Variants in RNF41 observed in about 807,000 individuals in gnomAD.
RNF41 encodes ring finger protein 41.
Under a neutral mutation model 33.0 loss-of-function variants are expected in RNF41, and 4 were observed. That is an observed-to-expected ratio of 0.12 (90% CI 0.06 to 0.28). The LOEUF is 0.28. RNF41 is among the 10% of genes least tolerant of loss of function. The pLI is 1.00. For synonymous variants in RNF41, 164 were observed against 153.2 expected, an observed-to-expected ratio of 1.07 and a Z score of -0.52; for missense variants, 228 against 432.6, an observed-to-expected ratio of 0.53 and a Z score of 4.19.
intron 4 of RNF41, 24 bp downstream of exon 4, chr12:56,210,273 G>A: frequency 1.2e-6 from 2 of 1,603,630 alleles, no homozygotes; most frequent in Non-Finnish European, 8.5e-7. Context: ...TTATCCATGT[G>A]GGGCAGAAGG....
Position 56,206,526 on chromosome 12 carries a change from T to C in RNF41, c.875A>G (p.Glu292Gly). ...CATGTCATCCCCCATGTGCTGGTTC[T>C]CACAGGCCATCACGACAACAGCCTG... ...GKQAVVVMAC[E>G]NQHMGDDMVQ... The change falls in exon 7 of 7, where the codon GAG (glutamate) becomes GGG (glycine). Residue 292 changes from glutamate (E) to glycine (G), a missense_variant. By Grantham distance (98) the Glu-to-Gly change is moderately conservative. This residue lies in a region of RNF41 where 199 missense variants were observed against 334.6 expected (regional missense o/e 0.59). Transcript: ENST00000345093. This position sits in a 1 kb window ranked among gnomAD's most constrained non-coding sequence, Gnocchi z 5.7. The C allele has an allele frequency of 6.2e-7, 1 of 1,614,224 alleles. No homozygotes were observed. The highest frequency in any genetic ancestry group is 8.5e-7 in the Non-Finnish European group (1 of 1,180,036).
At chr12:56,208,543 T>C (rs572754080) in intron 4 of RNF41, 1 of 325,770 alleles carries the variant, frequency 3.1e-6, no homozygotes, top group East Asian at 5.3e-5. Flanking sequence ...TTATCTATTT[T>C]TTAAATTTAT....
At chr12:56,212,015 G>A (rs1014052809) in intron 3 of RNF41, among the ~76,000 whole-genome samples, 2 of 152,118 alleles carry the variant, frequency 1.3e-5, no homozygotes, top group African/African-American at 4.8e-5. Context: ...CGGGCATGGT[G>A]GCTCATGCCT....
chr12:56,208,125 T>C (rs966771861), intron 5 of RNF41, 38 bp downstream of exon 5: 15 of 1,613,572 alleles, frequency 9.3e-6, no homozygotes, highest in Non-Finnish European at 1.3e-5. Flanking sequence ...GTTATCTGCA[T>C]ATGAGGGATA....
At position 56,204,365 on chromosome 12, in the gene RNF41, C is replaced by G. The variant is rs574186001; in HGVS notation, c.*2082G>C. 6.6e-6 allele frequency: 1 copy of G among 152,072 alleles called. No homozygotes were observed. The highest frequency in any genetic ancestry group is 2.4e-5 in the African/African-American group (1 of 41,388). 9.4% of individuals were successfully genotyped at this position (152,072 alleles called of 1,614,324 possible). On this transcript the variant is annotated 3_prime_UTR_variant, in exon 7 of 7. Coordinates refer to ENST00000345093, the MANE Select transcript of RNF41 (RefSeq NM_005785.4). ...AAGCAGCTGTGAAGTGCACACTACTCCCAGACATCCTCCTGAAAGAGAAGT... is the reference window on the plus strand; with the variant it reads ...AAGCAGCTGTGAAGTGCACACTACTGCCAGACATCCTCCTGAAAGAGAAGT...
In RNF41 at chr12:56,207,666, A is replaced by G. The variant is rs1232893953; in HGVS notation, c.582T>C (p.Ile194=). The part of the protein sequence containing the change: ...NPNLQNLEET[I]EYNEILEWVN... ...CTCACTCTAGGATCTCGTTGTATTC[A>G]ATTGTCTCCTCCAGGTTCTGAAGGT... The change falls in exon 6 of 7, where the codon ATT becomes ATC. Residue 194 remains isoleucine, a synonymous_variant. Coordinates refer to ENST00000345093, the MANE Select transcript of RNF41 (RefSeq NM_005785.4). 1.2e-5 allele frequency: 19 copies of G among 1,613,628 alleles called. No individual in the cohort carries two copies. The highest frequency in any genetic ancestry group is 1.6e-5 in the Non-Finnish European group (19 of 1,179,556).
At chr12:56,207,987 A>G (rs1020696444) in intron 5 of RNF41, among the ~76,000 whole-genome samples, 176 bp downstream of exon 5, 10 of 152,246 alleles carry the variant, frequency 6.6e-5, no homozygotes, top group Non-Finnish European at 1.3e-4. Flanking sequence ...TGGGATGAAG[A>G]AAAGTCAAGG....
At chr12:56,217,456 G>A (rs2135814708) in intron 1 of RNF41, among the ~76,000 whole-genome samples, 1 of 152,008 alleles carries the variant, frequency 6.6e-6, no homozygotes, top group Middle Eastern at 3.4e-3. Flanking sequence ...CTGAGGCAGG[G>A]AGAATTGCTT....
chr12:56,203,588 G>C lies in RNF41; in HGVS notation c.*2859C>G, dbSNP rs1307655889. ...TATTTATATTTTTAGTAGAGACAGG[G>C]TTTCACCATGTTAGCCAGGATGGTC... On this transcript the variant is annotated 3_prime_UTR_variant, in exon 7 of 7. Coordinates refer to ENST00000345093, the MANE Select transcript of RNF41 (RefSeq NM_005785.4). The C allele has an allele frequency of 1.3e-5, 2 of 151,330 alleles. No homozygotes were observed. The highest frequency in any genetic ancestry group is 3.9e-4 in the East Asian group (2 of 5,172). 9.4% of individuals were successfully genotyped at this position (151,330 alleles called of 1,614,324 possible).
At chr12:56,221,160 TC>T (rs1366067908) in intron 1 of RNF41, among the ~76,000 whole-genome samples, 1 of 151,932 alleles carries the variant, frequency 6.6e-6, no homozygotes, top group East Asian at 1.9e-4. Flanking sequence ...CTACCCAATT[TC>T]CCAAAGTCCT....
intron 5 of RNF41, 131 bp from the exon 6 acceptor site, chr12:56,207,880 A>G (rs1868303773): frequency 2.5e-6 from 2 of 805,752 alleles, no homozygotes; most frequent in Middle Eastern, 2.4e-4. Flanking sequence ...GAAGACAGGG[A>G]TAAGACTGTC....
In RNF41 at chr12:56,206,436, GTCGAGTTC is replaced by G; in HGVS notation, c.*3_*10del. 6.3e-7 allele frequency: 1 copy of G among 1,592,008 alleles called. No individual in the cohort carries two copies. Among genetic ancestry groups the G allele is most frequent in the African/African-American group, 1.3e-5 (1 of 74,518 alleles). On this transcript the variant is annotated 3_prime_UTR_variant, in exon 7 of 7. Coordinates refer to ENST00000345093, the MANE Select transcript of RNF41 (RefSeq NM_005785.4). The surrounding 1 kb of genome is among the most constrained non-coding windows in gnomAD (Gnocchi z 5.7). ...GATTTCCATCTCTTCCTGATAGCCA[GTCGAGTTC>G]TCTTATATCTCTTCCACGCCATGCG...
chr12:56,219,900 C>T (rs1869220878), intron 1 of RNF41, among the ~76,000 whole-genome samples: 1 of 151,506 alleles, frequency 6.6e-6, no homozygotes, highest in Non-Finnish European at 1.5e-5. Context: ...GCCTGTAGTC[C>T]CGGCTACTGA....
intron 1 of RNF41, among the ~76,000 whole-genome samples, chr12:56,218,766 C>T (rs541132277): frequency 4.6e-5 from 7 of 151,084 alleles, no homozygotes; most frequent in African/African-American, 7.3e-5. Flanking sequence ...TACAGTGGCA[C>T]GATCTTGGCT....
intron 2 of RNF41, among the ~76,000 whole-genome samples, chr12:56,215,484 G>C (rs1038948646): frequency 6.6e-6 from 1 of 152,022 alleles, no homozygotes; most frequent in Admixed American, 6.6e-5. Flanking sequence ...ACTTTGGGAG[G>C]CTGAGGCAGA....
At position 56,206,266 on chromosome 12, in the gene RNF41, G is replaced by T. The variant is rs1007610067; in HGVS notation, c.*181C>A. On this transcript the variant is annotated 3_prime_UTR_variant, in exon 7 of 7. Transcript: ENST00000345093. The surrounding 1 kb of genome is among the most constrained non-coding windows in gnomAD (Gnocchi z 5.7). ...AATATGGCAAAGGGAGGAAATCTGG[G>T]TTTCCCACCTGAAAGGCTGAGCAAA... 8 of 610,242 alleles carry T rather than the reference G, an allele frequency of 1.3e-5. No individual in the cohort carries two copies. The South Asian group carries it at 1.7e-4, about 13-fold the overall frequency. The allele number at this position is 610,242 out of a possible 1,614,324, so 37.8% of individuals were successfully genotyped here.
chr12:56,220,035 A>AAATG (rs1869237022), intron 1 of RNF41, among the ~76,000 whole-genome samples: 1 of 150,812 alleles, frequency 6.6e-6, no homozygotes, highest in Non-Finnish European at 1.5e-5. Flanking sequence ...ATAAATAAAT[A>AAATG]AATAAATAAA....
At chr12:56,208,397 T>C (rs1246715612) in intron 4 of RNF41, 99 bp from the exon 5 acceptor site, 1 of 1,325,916 alleles carries the variant, frequency 7.5e-7, no homozygotes, top group Admixed American at 2.1e-5. Context: ...GTAGATTTTG[T>C]CCTACCCAAA....
intron 3 of RNF41, chr12:56,213,157 G>GAA: frequency 7.9e-7 from 1 of 1,270,150 alleles, no homozygotes; most frequent in Non-Finnish European, 1.0e-6. Context: ...TAGATCCCAG[G>GAA]AAAAAAATAG....
Sources: allele counts gnomAD v4.1 joint callset (sites outside exome capture counted in the v4.1 genomes callset), GRCh38; gene constraint gnomAD v4.1.1; regional missense constraint gnomAD v4.1.1; non-coding constraint Gnocchi (gnomAD v3.1); transcripts MANE v1.5; gene names NCBI Gene and HGNC (gene_info 2026-07-23, HGNC 2026-07-21).